The following DHRSX variants were observed in gnomAD, a reference collection of about 807,000 sequenced individuals.
The protein encoded by DHRSX is dehydrogenase/reductase X-linked, also known as polyprenol dehydrogenase.
Under a neutral mutation model 34.0 loss-of-function variants are expected in DHRSX, and 31 were observed. That is an observed-to-expected ratio of 0.91 (90% CI 0.69 to 1.23). The LOEUF (loss-of-function observed/expected upper bound fraction) is 1.23, where lower values mean the gene tolerates loss of function less well. Among genes scored for constraint, DHRSX ranks in the 50% most tolerant of loss-of-function variants. The pLI, the probability that DHRSX is intolerant of heterozygous loss-of-function variation, is 0.00. For synonymous variants in DHRSX, 201 were observed against 183.8 expected, an observed-to-expected ratio of 1.09 and a Z score of -0.76; for missense variants, 414 against 428.1, an observed-to-expected ratio of 0.97 and a Z score of 0.29.
intron 3 of DHRSX, among the ~76,000 whole-genome samples, chrX:2,345,618 G>A (rs1448677119): frequency 1.4e-5 from 2 of 146,976 alleles, no homozygotes; most frequent in Non-Finnish European, 3.0e-5. Context: ...AGATCGCATC[G>A]TACCCCAGCC....
At chrX:2,445,769 G>A (rs748018946) in intron 1 of DHRSX, among the ~76,000 whole-genome samples, 1 of 151,966 alleles carries the variant, frequency 6.6e-6, no homozygotes, top group East Asian at 1.9e-4. Flanking sequence ...CATTCCCTAA[G>A]AATGCAGCAA....
chrX:2,406,021 C>G (rs1214917592), intron 3 of DHRSX, among the ~76,000 whole-genome samples: 8 of 152,020 alleles, frequency 5.3e-5, no homozygotes, highest in African/African-American at 1.9e-4. Context: ...CGGCCGGGTG[C>G]AGTGGCTCAC....
chrX:2,381,761 C>T (rs773665553), intron 3 of DHRSX, among the ~76,000 whole-genome samples: 2 of 133,348 alleles, frequency 1.5e-5, no homozygotes, highest in Admixed American at 1.8e-4. Flanking sequence ...CCAACAGTGG[C>T]AGGCTGTAGC....
intron 6 of DHRSX, among the ~76,000 whole-genome samples, chrX:2,236,727 C>T (rs1199508741): frequency 2.6e-5 from 4 of 152,130 alleles, no homozygotes; most frequent in African/African-American, 9.7e-5. Flanking sequence ...CCACTGCGCC[C>T]GGCCACCTGG....
At chrX:2,332,718 G>A (rs1351357393) in intron 3 of DHRSX, among the ~76,000 whole-genome samples, 1 of 152,252 alleles carries the variant, frequency 6.6e-6, no homozygotes, top group African/African-American at 2.4e-5. Context: ...TTGAGTTTTA[G>A]TAAGAATCTT....
intron 4 of DHRSX, among the ~76,000 whole-genome samples, chrX:2,286,692 GA>G (rs760386790): frequency 4.1e-3 from 601 of 146,862 alleles, no homozygotes; most frequent in African/African-American, 9.1e-3. Context: ...ACCCACAGAG[GA>G]AAAAAAAAAA....
At chrX:2,455,160 G>A (rs2044278435) in intron 1 of DHRSX, among the ~76,000 whole-genome samples, 2 of 151,644 alleles carry the variant, frequency 1.3e-5, no homozygotes, top group Admixed American at 1.3e-4. Context: ...CTGCATGGAG[G>A]TGGAGGCCAT....
intron 1 of DHRSX, among the ~76,000 whole-genome samples, chrX:2,436,534 C>T (rs1470323375): frequency 3.3e-5 from 5 of 150,956 alleles, no homozygotes; most frequent in South Asian, 4.2e-4. Context: ...TGCTCTGTCA[C>T]CCCGGCTGGA....
chrX:2,437,694 A>AGTGTGT (rs1167470793), intron 1 of DHRSX, among the ~76,000 whole-genome samples: 48 of 69,344 alleles, frequency 6.9e-4, no homozygotes, highest in African/African-American at 3.9e-3. Context: ...AGAGAGAGAG[A>AGTGTGT]GAGAGTGTGT....
intron 1 of DHRSX, among the ~76,000 whole-genome samples, chrX:2,455,253 C>T (rs778607535): frequency 1.1e-4 from 17 of 151,914 alleles, no homozygotes; most frequent in Admixed American, 7.2e-4. Flanking sequence ...ATTGGGTACC[C>T]GTGGATATAA....
At chrX:2,245,292 C>T (rs917783767) in intron 5 of DHRSX, among the ~76,000 whole-genome samples, 14 of 151,994 alleles carry the variant, frequency 9.2e-5, no homozygotes, top group Non-Finnish European at 1.8e-4. Flanking sequence ...TCCAGTTGTC[C>T]CTGCTTTTCA....
chrX:2,395,596 C>G (rs997771867), intron 3 of DHRSX, among the ~76,000 whole-genome samples: 2 of 152,204 alleles, frequency 1.3e-5, no homozygotes, highest in African/African-American at 4.8e-5. Flanking sequence ...GGGATGTTCC[C>G]GTGACTGCAA....
chrX:2,490,608 A>G, intron 1 of DHRSX: 1 of 1,613,954 alleles, frequency 6.2e-7, no homozygotes, highest in Non-Finnish European at 8.5e-7. Context: ...TGCAGGATGC[A>G]TCCCTCGGCG....
chrX:2,310,206 G>A (rs992545424), intron 3 of DHRSX, among the ~76,000 whole-genome samples: 1 of 152,092 alleles, frequency 6.6e-6, no homozygotes, highest in Non-Finnish European at 1.5e-5. Flanking sequence ...GCCAAGAGCT[G>A]ATGCGACCAC....
chrX:2,324,930 G>A (rs2042359764), intron 3 of DHRSX, among the ~76,000 whole-genome samples: 1 of 130,294 alleles, frequency 7.7e-6, no homozygotes, highest in African/African-American at 3.1e-5. Flanking sequence ...CACCAAGCCC[G>A]GCTAATTTTT....
chrX:2,284,285 C>T (rs977485522), intron 4 of DHRSX, among the ~76,000 whole-genome samples: 2 of 152,156 alleles, frequency 1.3e-5, no homozygotes, highest in Admixed American at 1.3e-4. Flanking sequence ...CATTTGAATT[C>T]ATTTGTTCAT....
At position 2,246,706 on chromosome X, in the gene DHRSX, G is replaced by GAAAGAAAGAA. The variant is rs1435900895; in HGVS notation, c.597-3477_597-3476insTTCTTTCTTT. Among the ~76,000 whole-genome samples the GAAAGAAAGAA allele has an allele frequency of 2.7e-3, 294 of 107,498 alleles. 1 individual carries two copies. Among genetic ancestry groups the GAAAGAAAGAA allele is most frequent in the African/African-American group, 8.2e-3 (242 of 29,608 alleles). 70.5% of individuals were successfully genotyped at this position (107,498 alleles called of 152,430 possible). On this transcript the variant is annotated intron_variant, in intron 5 of 6. Transcript: ENST00000334651. ...AGAAAAAGAAAAGAAAAGAAAGAAAGAGAAAGAAAGAAAGAAAGAAAGAAA... is the reference window on the plus strand; with the variant it reads ...AGAAAAAGAAAAGAAAAGAAAGAAAGAAAGAAAGAAAGAAAGAAAGAAAGAAAGAAAGAAA...
intron 3 of DHRSX, among the ~76,000 whole-genome samples, chrX:2,305,895 C>G (rs747585351): frequency 6.6e-6 from 1 of 152,002 alleles, no homozygotes; most frequent in African/African-American, 2.4e-5. Context: ...ATGTAGATAA[C>G]GAGTTGATGG....
rs144137468 is a variant in DHRSX, at chrX:2,332,948, A to G, written c.287-41345T>C. Among the ~76,000 whole-genome samples, 48 of 152,298 alleles carry G rather than the reference A, an allele frequency of 3.2e-4. 1 individual carries two copies. The East Asian group carries it at 9.1e-3, about 29-fold the overall frequency. ...TGGCCAAGACTATGGGCGTGAGGTA[A>G]CTAACAATCAGGGGGCTTGGTTTCA... On this transcript the variant is annotated intron_variant, in intron 3 of 6. Transcript: ENST00000334651.
Sources: gnomAD v4.1 joint callset for allele counts (sites outside exome capture counted in the v4.1 genomes callset) on GRCh38, gnomAD v4.1.1 for gene constraint, MANE v1.5 for transcripts, NCBI Gene and HGNC (gene_info 2026-07-23, HGNC 2026-07-21) for gene names.